The following PLCL2 variants were observed in gnomAD, a reference collection of about 807,000 sequenced individuals.
PLCL2 encodes the protein inactive phospholipase C-like protein 2.
A neutral mutation model predicts 79.6 loss-of-function variants in PLCL2; 4 were observed. That is an observed-to-expected ratio of 0.05 (90% CI 0.02 to 0.11). PLCL2 has a LOEUF of 0.11. Among genes scored for constraint, PLCL2 ranks in the 10% least tolerant of loss-of-function variants. PLCL2 has a pLI of 1.00. For synonymous variants in PLCL2, 484 were observed against 457.7 expected (o/e 1.06, Z -0.73); for missense variants, 895 against 1,291.0 (o/e 0.69, Z 4.70).
intron 1 of PLCL2, among the ~76,000 whole-genome samples, chr3:16,993,067 C>T (rs1426725637): frequency 6.6e-6 from 1 of 152,154 alleles, no homozygotes; most frequent in Admixed American, 6.5e-5. Context: ...TGGCAACCTG[C>T]CTGACTGCCA....
chr3:17,068,200 A>G (rs528421909), intron 5 of PLCL2, 135 bp downstream of exon 5: 61 of 593,906 alleles, frequency 1.0e-4, no homozygotes, highest in Non-Finnish European at 1.6e-4. Flanking sequence ...AATCACATGA[A>G]GAACTCTGCC....
rs547376924 is a variant in PLCL2 at position 17,052,842 on chromosome 3, A to G, written c.3094+9893A>G. The stretch of plus-strand genomic sequence containing the variant: ...ATTTTCTTAATGTTTTCTTTTCTTT[A>G]TCTTACCTTATTGTAAGAATATAGT... On this transcript the variant is annotated intron_variant, in intron 4 of 5. Coordinates refer to ENST00000615277, the MANE Select transcript of PLCL2 (RefSeq NM_001144382.2). Among the ~76,000 whole-genome samples the G allele has an allele frequency of 3.9e-5, 6 of 152,252 alleles. No individual in the cohort carries two copies. The South Asian group carries it at 8.3e-4, about 21-fold the overall frequency.
intron 1 of PLCL2, among the ~76,000 whole-genome samples, chr3:16,949,740 G>A (rs113654935): frequency 1.3e-4 from 20 of 152,214 alleles, no homozygotes; most frequent in Middle Eastern, 6.8e-3. Flanking sequence ...ACTGGGGCAC[G>A]CAAGTAATGT....
chr3:17,070,486 C>A (rs1430796050), intron 5 of PLCL2, among the ~76,000 whole-genome samples: 2 of 151,998 alleles, frequency 1.3e-5, no homozygotes, highest in Non-Finnish European at 1.5e-5. Context: ...GGTAATAGGT[C>A]TTTTTTTAAT....
intron 4 of PLCL2, among the ~76,000 whole-genome samples, chr3:17,051,391 A>T (rs2064837049): frequency 6.6e-6 from 1 of 152,184 alleles, no homozygotes; most frequent in South Asian, 2.1e-4. Context: ...ACATGCCTGT[A>T]TCAAAACATG....
chr3:17,025,253 G>A (rs2064503958), intron 3 of PLCL2, among the ~76,000 whole-genome samples: 1 of 152,130 alleles, frequency 6.6e-6, no homozygotes, highest in Admixed American at 6.6e-5. Flanking sequence ...ATAAATGCAA[G>A]ATCCATTCTT....
At chr3:16,925,218 C>T (rs1236499449) in intron 1 of PLCL2, among the ~76,000 whole-genome samples, 14 of 136,090 alleles carry the variant, frequency 1.0e-4, no homozygotes, top group Admixed American at 3.0e-4. Context: ...CCACCGCGCC[C>T]GGCCAGGGTT....
At chr3:16,968,497 G>C (rs1217204664) in intron 1 of PLCL2, among the ~76,000 whole-genome samples, 1 of 152,032 alleles carries the variant, frequency 6.6e-6, no homozygotes, top group Non-Finnish European at 1.5e-5. Context: ...TCCCTGGTTA[G>C]CTGTATTTAT....
At chr3:16,942,255 TG>T in intron 1 of PLCL2, among the ~76,000 whole-genome samples, 1 of 152,240 alleles carries the variant, frequency 6.6e-6, no homozygotes, top group Non-Finnish European at 1.5e-5. Flanking sequence ...TTGTCAAATG[TG>T]TATGTGCAGA....
At chr3:17,020,408 C>T (rs564992439) in intron 3 of PLCL2, among the ~76,000 whole-genome samples, 142 of 152,180 alleles carry the variant, frequency 9.3e-4, no homozygotes, top group African/African-American at 3.3e-3. Flanking sequence ...GAAAATGAAG[C>T]CCATCTCTCT....
At chr3:16,977,572 T>C (rs574199721) in intron 1 of PLCL2, among the ~76,000 whole-genome samples, 4 of 152,352 alleles carry the variant, frequency 2.6e-5, no homozygotes, top group East Asian at 1.9e-4. Context: ...CTTTTACTTA[T>C]GGTAGACCAC....
intron 1 of PLCL2, among the ~76,000 whole-genome samples, chr3:16,951,308 T>G (rs984629444): frequency 6.6e-6 from 1 of 152,128 alleles, no homozygotes; most frequent in Non-Finnish European, 1.5e-5. Flanking sequence ...TAATTATATC[T>G]TCCTGGAAAA....
Position 17,010,682 on chromosome 3 carries a change from A to C in PLCL2, c.1336A>C (p.Ile446Leu). The C allele has an allele frequency of 6.2e-7, 1 of 1,614,104 alleles. No individual in the cohort carries two copies. Among genetic ancestry groups the C allele is most frequent in the Non-Finnish European group, 8.5e-7 (1 of 1,179,964 alleles). ...AAACTCATCTCATAATACATACTTA[A>C]TAGAGGATCAGTTCCGAGGTCCCTC... is the stretch of plus-strand genomic sequence containing the variant. ...FINSSHNTYL[I>L]EDQFRGPSDI... is the part of the protein sequence containing the mutation. The change falls in exon 2 of 6, where the codon ATA becomes CTA. Residue 446 changes from isoleucine to leucine, a missense_variant. Transcript: ENST00000615277. This position sits in a 1 kb window ranked among gnomAD's most constrained non-coding sequence, Gnocchi z 5.8.
intron 1 of PLCL2, among the ~76,000 whole-genome samples, chr3:16,899,431 A>C (rs1575517622): frequency 6.6e-6 from 1 of 152,174 alleles, no homozygotes; most frequent in East Asian, 1.9e-4. Flanking sequence ...GAATTCCCTG[A>C]ATTTCTGTGC....
chr3:17,029,235 G>T (rs376669067), intron 3 of PLCL2, among the ~76,000 whole-genome samples: 2 of 151,910 alleles, frequency 1.3e-5, no homozygotes, highest in African/African-American at 4.8e-5. Context: ...CAGCATCCCA[G>T]CTCCTGGATC....
At chr3:16,980,436 A>G (rs2063977296) in intron 1 of PLCL2, among the ~76,000 whole-genome samples, 2 of 148,446 alleles carry the variant, frequency 1.3e-5, no homozygotes, top group African/African-American at 5.0e-5. Flanking sequence ...GTTGCCAGGC[A>G]GAGGGTCTCC....
At position 16,886,015 on chromosome 3, in the gene PLCL2, G is replaced by C. The variant is rs1162264238; in HGVS notation, c.327+649G>C. On this transcript the variant is annotated intron_variant, in intron 1 of 5. Transcript: ENST00000615277. This position sits in a 1 kb window ranked among gnomAD's most constrained non-coding sequence, Gnocchi z 4.2. ...TCTTTTTCCTTGCTGCAGTAGGCAGGCCTCGAGTACTGTGGAAGTTCTTTT... is the reference window on the plus strand; with the variant it reads ...TCTTTTTCCTTGCTGCAGTAGGCAGCCCTCGAGTACTGTGGAAGTTCTTTT... Among the ~76,000 whole-genome samples the C allele has an allele frequency of 6.6e-6, 1 of 152,198 alleles. No individual in the cohort carries two copies. The highest frequency in any genetic ancestry group is 1.9e-4 in the East Asian group (1 of 5,204).
intron 5 of PLCL2, among the ~76,000 whole-genome samples, chr3:17,085,053 C>A (rs545465344): frequency 5.9e-5 from 9 of 152,120 alleles, no homozygotes; most frequent in Non-Finnish European, 1.3e-4. Context: ...ACAAAAAAAT[C>A]TCCTCGAACA....
Position 17,077,056 on chromosome 3 carries a change from G to A in PLCL2, c.3204+8991G>A, listed in dbSNP as rs145099047. On this transcript the variant is annotated intron_variant, in intron 5 of 5. Coordinates refer to ENST00000615277, the MANE Select transcript of PLCL2 (RefSeq NM_001144382.2). ...GGCCCCTCATGTTCTAGCCACTGTC[G>A]GCTCCCTGAACTCCACACTCTGTCT... is the stretch of plus-strand genomic sequence containing the variant. 3.9e-5 allele frequency among the ~76,000 whole-genome samples: 6 copies of A among 152,092 alleles called. No individual in the cohort carries two copies. The East Asian group carries it at 9.7e-4, about 24-fold the overall frequency.
Sources: allele counts gnomAD v4.1 joint callset (sites outside exome capture counted in the v4.1 genomes callset), GRCh38; gene constraint gnomAD v4.1.1; non-coding constraint Gnocchi (gnomAD v3.1); transcripts MANE v1.5; gene names NCBI Gene and HGNC (gene_info 2026-07-23, HGNC 2026-07-21).